Variants in SORCS3 observed in about 807,000 individuals in gnomAD.
The protein encoded by SORCS3 is sortilin related VPS10 domain containing receptor 3.
A neutral mutation model predicts 146.3 loss-of-function variants in SORCS3; 57 were observed. The observed-to-expected ratio is 0.39, with a 90% CI of 0.31 to 0.49. The LOEUF (loss-of-function observed/expected upper bound fraction) is 0.49, where lower values mean the gene tolerates loss of function less well. SORCS3 is among the 20% of genes least tolerant of loss of function. SORCS3 has a pLI of 0.92. For synonymous variants in SORCS3, 653 were observed against 618.5 expected, an observed-to-expected ratio of 1.06 and a Z score of -0.83; for missense variants, 1,341 against 1,575.5, an observed-to-expected ratio of 0.85 and a Z score of 2.52.
chr10:104,964,892 A>C (rs573209088), intron 3 of SORCS3, among the ~76,000 whole-genome samples: 2 of 152,168 alleles, frequency 1.3e-5, no homozygotes, highest in Non-Finnish European at 2.9e-5. Flanking sequence ...GCCTAGCCTT[A>C]GTATCTACCA....
intron 5 of SORCS3, among the ~76,000 whole-genome samples, chr10:105,063,045 T>C (rs1383245618): frequency 6.6e-6 from 1 of 152,238 alleles, no homozygotes. Context: ...TAATCGCTAA[T>C]TGCTGAATGA....
At chr10:104,752,010 T>A (rs1364421580) in intron 1 of SORCS3, among the ~76,000 whole-genome samples, 23 of 143,182 alleles carry the variant, frequency 1.6e-4, no homozygotes, top group Non-Finnish European at 3.1e-4. Context: ...ATTAGTTGCC[T>A]TTAAAAGCTC....
chr10:104,733,723 C>T lies in SORCS3; in HGVS notation c.627+91769C>T, dbSNP rs535130079. Among the ~76,000 whole-genome samples the T allele has an allele frequency of 2.6e-5, 4 of 152,226 alleles. No homozygotes were observed. The South Asian group carries it at 8.3e-4, about 32-fold the overall frequency. On this transcript the variant is annotated intron_variant, in intron 1 of 26. Transcript: ENST00000369701. ...TCCCTCAGCTTTCCTCTGGGAAGCT[C>T]CAAGTTTGGTGCTTTGCTGTGAAGC...
At chr10:104,791,045 G>GAA (rs931706214) in intron 1 of SORCS3, among the ~76,000 whole-genome samples, 1 of 152,196 alleles carries the variant, frequency 6.6e-6, no homozygotes, top group African/African-American at 2.4e-5. Flanking sequence ...TTTCACAGAT[G>GAA]AATAAGTGGG....
chr10:104,695,637 C>T (rs924580316), intron 1 of SORCS3, among the ~76,000 whole-genome samples: 3 of 151,838 alleles, frequency 2.0e-5, no homozygotes, highest in Non-Finnish European at 2.9e-5. Context: ...CATGTGTGAT[C>T]ATATGCATGC....
intron 2 of SORCS3, among the ~76,000 whole-genome samples, chr10:104,893,945 C>G (rs558423597): frequency 2.2e-4 from 33 of 152,172 alleles, no homozygotes; most frequent in African/African-American, 7.7e-4. Context: ...CACTCCCAAC[C>G]GGCAAATTCA....
intron 4 of SORCS3, among the ~76,000 whole-genome samples, chr10:105,006,915 G>T (rs1256679310): frequency 6.6e-6 from 1 of 152,086 alleles, no homozygotes; most frequent in Admixed American, 6.5e-5. Flanking sequence ...CTTATCTGTG[G>T]CATGTCTGTT....
chr10:104,793,947 G>T (rs1364383628), intron 1 of SORCS3, among the ~76,000 whole-genome samples: 1 of 152,174 alleles, frequency 6.6e-6, no homozygotes. Flanking sequence ...GGCTAAAATG[G>T]AATTTCGGGA....
intron 6 of SORCS3, among the ~76,000 whole-genome samples, chr10:105,091,803 A>G (rs1173655018): frequency 4.6e-5 from 7 of 152,174 alleles, no homozygotes. Context: ...AATGAGATGT[A>G]GGGGTTTCAG....
intron 1 of SORCS3, among the ~76,000 whole-genome samples, chr10:104,688,183 G>T (rs943931418): frequency 9.8e-5 from 15 of 152,304 alleles, no homozygotes; most frequent in Non-Finnish European, 1.9e-4. Context: ...CCTCCGTCTT[G>T]GTCCCAAACT....
At chr10:104,898,572 C>T (rs2018821662) in intron 2 of SORCS3, among the ~76,000 whole-genome samples, 1 of 152,168 alleles carries the variant, frequency 6.6e-6, no homozygotes, top group African/African-American at 2.4e-5. Flanking sequence ...AAACCTGTTT[C>T]CTCTTCATCC....
chr10:105,079,799 A>T (rs763615220), intron 5 of SORCS3, among the ~76,000 whole-genome samples: 38 of 152,176 alleles, frequency 2.5e-4, no homozygotes, highest in Non-Finnish European at 4.3e-4. Context: ...TAGAAGTGAG[A>T]ACATGTGGCA....
chr10:104,903,244 A>C (rs1261249100), intron 2 of SORCS3, among the ~76,000 whole-genome samples: 1 of 152,206 alleles, frequency 6.6e-6, no homozygotes, highest in Non-Finnish European at 1.5e-5. Context: ...TGTATAAAGC[A>C]CTATGCAAAT....
intron 9 of SORCS3, among the ~76,000 whole-genome samples, chr10:105,152,900 C>T (rs1457236307): frequency 1.3e-5 from 2 of 152,178 alleles, no homozygotes; most frequent in South Asian, 2.1e-4. Context: ...AAGAAATCCA[C>T]GTCTGCTTGA....
At chr10:104,900,407 C>G (rs1226325523) in intron 2 of SORCS3, among the ~76,000 whole-genome samples, 1 of 152,152 alleles carries the variant, frequency 6.6e-6, no homozygotes, top group Non-Finnish European at 1.5e-5. Context: ...CCTGACAAGT[C>G]TTTCTACCTC....
chr10:104,669,140 C>T (rs1005661284), intron 1 of SORCS3, among the ~76,000 whole-genome samples: 2 of 151,872 alleles, frequency 1.3e-5, no homozygotes, highest in Non-Finnish European at 2.9e-5. Flanking sequence ...AGGGTAGTAG[C>T]TACTATATGC....
At chr10:105,234,915 AT>A (rs959124451) in intron 20 of SORCS3, among the ~76,000 whole-genome samples, 1 of 151,660 alleles carries the variant, frequency 6.6e-6, no homozygotes, top group African/African-American at 2.4e-5. Context: ...ATGCCTTGTA[AT>A]TTTTTTCTTC....
intron 1 of SORCS3, among the ~76,000 whole-genome samples, chr10:104,829,099 T>G (rs920781172): frequency 3.3e-5 from 5 of 152,196 alleles, no homozygotes; most frequent in African/African-American, 9.6e-5. Context: ...GGTAATACTT[T>G]AAACTCAAGA....
At chr10:104,919,724 C>T (rs1464110970) in intron 3 of SORCS3, among the ~76,000 whole-genome samples, 2 of 151,958 alleles carry the variant, frequency 1.3e-5, no homozygotes, top group African/African-American at 2.4e-5. Context: ...TCATAAGGGT[C>T]CTACATGATC....
Sources: allele counts gnomAD v4.1 joint callset (sites outside exome capture counted in the v4.1 genomes callset), GRCh38; gene constraint gnomAD v4.1.1; transcripts MANE v1.5; gene names NCBI Gene and HGNC (gene_info 2026-07-23, HGNC 2026-07-21).